The following PACS2 variants were observed in gnomAD, a reference collection of about 807,000 sequenced individuals.
PACS2 encodes the protein PACS1-like protein.
PACS2 carries 36 observed loss-of-function variants against 113.0 expected under a neutral mutation model. The ratio of observed to expected loss-of-function variants is 0.32; its 90% CI spans 0.24 to 0.42. The LOEUF (loss-of-function observed/expected upper bound fraction) is 0.42, where lower values mean the gene tolerates loss of function less well. PACS2 is among the 10% of genes least tolerant of loss of function. The probability of loss-of-function intolerance (pLI) is 1.00; values close to 1 mark genes in which losing one functional copy is unlikely to be tolerated. For synonymous variants in PACS2, 589 were observed against 536.1 expected (o/e 1.10, Z -1.36); for missense variants, 1,015 against 1,239.5 (o/e 0.82, Z 2.72).
At position 105,379,919 on chromosome 14, in the gene PACS2, G is replaced by C. The variant is rs587609664; in HGVS notation, c.1050+90G>C. On this transcript the variant is annotated intron_variant, in intron 10 of 24. Coordinates refer to ENST00000447393, the MANE Select transcript of PACS2 (RefSeq NM_001100913.3). ...AATCTCCCAGCATGTCCTGGGCCCA[G>C]GGCCCTGTCCAGCTGTCCTGGAGCC... 19 of 1,419,112 alleles carry C rather than the reference G, an allele frequency of 1.3e-5. No individual in the cohort carries two copies. In the Middle Eastern group the frequency reaches 5.4e-4, roughly 41 times the overall value. The allele number at this position is 1,419,112 out of a possible 1,614,324, so 87.9% of individuals were successfully genotyped here. A position where few individuals can be genotyped will look rare whatever the true frequency, so the allele number is the denominator to read the frequency against.
chr14:105,360,179 A>G lies in PACS2; in HGVS notation c.423+5002A>G, dbSNP rs192883964. On this transcript the variant is annotated intron_variant, in intron 4 of 24. Coordinates refer to ENST00000447393, the MANE Select transcript of PACS2 (RefSeq NM_001100913.3). ...CAGTGCATATAAAAGTTATGTTTAC[A>G]CTGTACTGTAGTCTGTTAAGTGTGC... Among the ~76,000 whole-genome samples the G allele has an allele frequency of 2.0e-5, 3 of 152,352 alleles. No individual in the cohort carries two copies. In the East Asian group the frequency reaches 5.8e-4, roughly 29 times the overall value.
At position 105,354,977 on chromosome 14, in the gene PACS2, C is replaced by G; in HGVS notation, c.298-75C>G. On this transcript the variant is annotated intron_variant, in intron 3 of 24. Transcript: ENST00000447393. This position sits in a 1 kb window ranked among gnomAD's most constrained non-coding sequence, Gnocchi z 4.2. ...GGCCTGGTCGCAGGCTGCAGGGTGG[C>G]TGGGCCGTCAGAGGCCGTGATGCTG... The G allele has an allele frequency of 6.6e-7, 1 of 1,513,812 alleles. No individual in the cohort carries two copies. Among genetic ancestry groups the G allele is most frequent in the Non-Finnish European group, 9.0e-7 (1 of 1,110,420 alleles). 93.8% of individuals were successfully genotyped at this position (1,513,812 alleles called of 1,614,324 possible).
chr14:105,393,220 A>G lies in PACS2; in HGVS notation c.2483-2A>G. On this transcript the variant is annotated splice_acceptor_variant, in intron 23 of 24. Transcript: ENST00000447393. LOFTEE classifies it high-confidence loss of function. ...ACAGCAGGGCCTCTTTTCTCCTCCC[A>G]GTGATGTTTCTGCCCAAGAAAGCGA... The G allele has an allele frequency of 6.2e-7, 1 of 1,609,190 alleles. No individual in the cohort carries two copies.
chr14:105,301,507 G>C (rs1269234581), intron 1 of PACS2, among the ~76,000 whole-genome samples: 1 of 152,048 alleles, frequency 6.6e-6, no homozygotes, highest in Non-Finnish European at 1.5e-5. Flanking sequence ...TCTGGGAGTG[G>C]TGGGCGGGGC....
intron 22 of PACS2, 86 bp downstream of exon 22, chr14:105,391,852 C>T: frequency 7.4e-7 from 1 of 1,353,344 alleles, no homozygotes; most frequent in Non-Finnish European, 1.0e-6. Context: ...TATGTCACAT[C>T]CACCTCCCAG....
chr14:105,369,968 C>T lies in PACS2; in HGVS notation c.801+68C>T, dbSNP rs1430157146. On this transcript the variant is annotated intron_variant, in intron 8 of 24. Transcript: ENST00000447393. ...ACAGCACCTGGTCGGGAGGAGGCCT[C>T]TGGGGTCTGTCTCCGGGCCACCTCT... The T allele has an allele frequency of 2.5e-5, 34 of 1,362,076 alleles. No individual in the cohort carries two copies. In the East Asian group the frequency reaches 7.9e-4, roughly 32 times the overall value. 84.4% of individuals were successfully genotyped at this position (1,362,076 alleles called of 1,614,324 possible). A position where few individuals can be genotyped will look rare whatever the true frequency, so the allele number is the denominator to read the frequency against.
Position 105,394,887 on chromosome 14 carries a change from G to A in PACS2, c.*215G>A. 1.9e-6 allele frequency: 1 copy of A among 538,652 alleles called. No individual in the cohort carries two copies. The highest frequency in any genetic ancestry group is 3.4e-6 in the Non-Finnish European group (1 of 296,988). 33.4% of individuals were successfully genotyped at this position (538,652 alleles called of 1,614,324 possible). ...TATTAACCCGAACGTTCGGCCCGGG[G>A]CTGGGAAGCCAGAAGGACGATGCTG... On this transcript the variant is annotated 3_prime_UTR_variant, in exon 25 of 25. Transcript: ENST00000447393.
In PACS2 at chr14:105,394,536, G is replaced by A; in HGVS notation, c.2597-18G>A. The A allele has an allele frequency of 1.1e-5, 17 of 1,610,888 alleles. No homozygotes were observed. The highest frequency in any genetic ancestry group is 1.3e-5 in the Non-Finnish European group (15 of 1,179,028). On this transcript the variant is annotated intron_variant, in intron 24 of 24. Coordinates refer to ENST00000447393, the MANE Select transcript of PACS2 (RefSeq NM_001100913.3). ...GGCCGGGCAGGGGGGCAGGCGGTCAGGCAGCCCTCTCCCACAGTCCTCATC... is the reference window on the plus strand; with the variant it reads ...GGCCGGGCAGGGGGGCAGGCGGTCAAGCAGCCCTCTCCCACAGTCCTCATC...
chr14:105,392,124 C>T (rs927449125), intron 22 of PACS2: 15 of 356,240 alleles, frequency 4.2e-5, no homozygotes, highest in Non-Finnish European at 7.2e-5. Context: ...GCTTCGATAG[C>T]TGTGCTGAGG....
In PACS2 at chr14:105,381,782, C is replaced by T. The variant is rs982432239; in HGVS notation, c.1269-132C>T. On this transcript the variant is annotated intron_variant, in intron 12 of 24. Coordinates refer to ENST00000447393, the MANE Select transcript of PACS2 (RefSeq NM_001100913.3). ...CTGTGCAGCCCATGTTCCCACTGCC[C>T]ATCAGTCAGCCCTGTGCTCACCCTT... 6.4e-6 allele frequency: 5 copies of T among 787,102 alleles called. No homozygotes were observed. In the African/African-American group the frequency reaches 7.0e-5, roughly 11 times the overall value. The allele number at this position is 787,102 out of a possible 1,614,324, so 48.8% of individuals were successfully genotyped here.
In PACS2 at chr14:105,384,348, T is replaced by G; in HGVS notation, c.1781-5T>G. The G allele has an allele frequency of 6.3e-7, 1 of 1,580,446 alleles. No individual in the cohort carries two copies. Among genetic ancestry groups the G allele is most frequent in the Non-Finnish European group, 8.7e-7 (1 of 1,152,242 alleles). On this transcript the variant is annotated splice_region_variant and splice_polypyrimidine_tract_variant and intron_variant, in intron 16 of 24. Transcript: ENST00000447393. ...GGTGACACCAGCCCCACCCCTGGCA[T>G]GCAGGCTCCCACCCCGTGGCCAGGT...
intron 1 of PACS2, among the ~76,000 whole-genome samples, chr14:105,333,423 G>A (rs987969522): frequency 3.9e-5 from 6 of 152,238 alleles, no homozygotes; most frequent in African/African-American, 1.4e-4. Context: ...CTGGGGTGCT[G>A]GACAGACCCT....
At chr14:105,390,063 A>G in intron 20 of PACS2, 60 bp downstream of exon 20, 1 of 1,435,644 alleles carries the variant, frequency 7.0e-7, no homozygotes, top group Non-Finnish European at 9.8e-7. Flanking sequence ...TGTCGTTTAC[A>G]GTCAGAACGT....
intron 1 of PACS2, among the ~76,000 whole-genome samples, chr14:105,327,403 G>A (rs1033181312): frequency 2.0e-5 from 3 of 152,216 alleles, no homozygotes; most frequent in African/African-American, 7.2e-5. Context: ...CTTGGCTCCC[G>A]TGGATAGCTC....
rs587688994 is a variant in PACS2, at chr14:105,351,070, C to T, written c.208-1308C>T. 5.9e-5 allele frequency among the ~76,000 whole-genome samples: 9 copies of T among 152,316 alleles called. No homozygotes were observed. In the East Asian group the frequency reaches 1.4e-3, roughly 23 times the overall value. Reference sequence around the variant, plus strand: ...CGAACCTGGGCTGGCCCCGGGCTCCCGTTGTCTGTCCTGGACCCCCGCCCG... The same window carrying T: ...CGAACCTGGGCTGGCCCCGGGCTCCTGTTGTCTGTCCTGGACCCCCGCCCG... On this transcript the variant is annotated intron_variant, in intron 2 of 24. Transcript: ENST00000447393.
At chr14:105,335,833 G>A (rs587628902) in intron 1 of PACS2, among the ~76,000 whole-genome samples, 19 of 152,340 alleles carry the variant, frequency 1.2e-4, no homozygotes, top group Non-Finnish European at 2.4e-4. Context: ...GCCCTCGGCC[G>A]CCCGGGCGAG....
intron 11 of PACS2, 83 bp downstream of exon 11, chr14:105,380,237 G>A (rs782040182): frequency 3.3e-6 from 4 of 1,198,086 alleles, no homozygotes; most frequent in Non-Finnish European, 4.8e-6. Context: ...TGGAGGGGCG[G>A]GGCCCACATA....
At chr14:105,351,151 A>T (rs1213112498) in intron 2 of PACS2, among the ~76,000 whole-genome samples, 1 of 151,972 alleles carries the variant, frequency 6.6e-6, no homozygotes, top group African/African-American at 2.4e-5. Flanking sequence ...GGCCTCCGGG[A>T]ACCTTGTGCC....
rs892767999 is a variant in PACS2 at position 105,357,652 on chromosome 14, C to T, written c.423+2475C>T. Among the ~76,000 whole-genome samples the T allele has an allele frequency of 2.6e-5, 4 of 152,122 alleles. No individual in the cohort carries two copies. Among genetic ancestry groups the T allele is most frequent in the East Asian group, 1.9e-4 (1 of 5,168 alleles). On this transcript the variant is annotated intron_variant, in intron 4 of 24. Transcript: ENST00000447393. The surrounding 1 kb of genome is among the most constrained non-coding windows in gnomAD (Gnocchi z 5.1). ...TGCTGGCTTGTTGAGAGTATGAGCACGGGAGATTGCGGAGGCGGGACAGCC... is the reference window on the plus strand; with the variant it reads ...TGCTGGCTTGTTGAGAGTATGAGCATGGGAGATTGCGGAGGCGGGACAGCC...
Sources: allele counts gnomAD v4.1 joint callset (sites outside exome capture counted in the v4.1 genomes callset), GRCh38; gene constraint gnomAD v4.1.1; non-coding constraint Gnocchi (gnomAD v3.1); transcripts MANE v1.5; gene names NCBI Gene and HGNC (gene_info 2026-07-23, HGNC 2026-07-21).